Variants in PDIA6 observed in about 807,000 individuals in gnomAD.
PDIA6 encodes protein disulfide isomerase family A member 6, also known as protein disulfide-isomerase A6.
Under a neutral mutation model 58.4 loss-of-function variants are expected in PDIA6, and 29 were observed. The observed-to-expected ratio is 0.50, with a 90% CI of 0.37 to 0.68. The LOEUF (loss-of-function observed/expected upper bound fraction) is 0.68, where lower values mean the gene tolerates loss of function less well. Among genes scored for constraint, PDIA6 ranks in the 30% least tolerant of loss-of-function variants. The pLI, the probability that PDIA6 is intolerant of heterozygous loss-of-function variation, is 0.00. For missense variants in PDIA6, 480 were observed against 551.0 expected (o/e 0.87, Z 1.29); for synonymous variants, 192 against 202.6 (o/e 0.95, Z 0.44).
chr2:10,797,317 G>A (rs1666309505), intron 3 of PDIA6, 110 bp from the exon 4 acceptor site: 5 of 1,104,192 alleles, frequency 4.5e-6, no homozygotes, highest in Non-Finnish European at 6.4e-6. Flanking sequence ...AGCACAGGGT[G>A]CAGTTTGCAA....
chr2:10,810,267 C>T, intron 1 of PDIA6: 2 of 1,529,058 alleles, frequency 1.3e-6, no homozygotes, highest in Non-Finnish European at 1.8e-6. Context: ...TTAGATAGAC[C>T]CAAATTTCTA....
chr2:10,822,588 G>T (rs557847060), intron 1 of PDIA6, among the ~76,000 whole-genome samples: 4 of 152,214 alleles, frequency 2.6e-5, no homozygotes, highest in Non-Finnish European at 4.4e-5. Context: ...ATGTAGCACT[G>T]CAAACAGGGA....
intron 1 of PDIA6, among the ~76,000 whole-genome samples, chr2:10,825,779 A>G (rs1273566315): frequency 1.3e-5 from 2 of 152,254 alleles, no homozygotes; most frequent in Non-Finnish European, 2.9e-5. Context: ...ACAATGAGAA[A>G]TAACTTCATA....
chr2:10,815,211 C>G (rs1686501), upstream of PDIA6, among the ~76,000 whole-genome samples: 1 of 152,104 alleles, frequency 6.6e-6, no homozygotes, highest in Non-Finnish European at 1.5e-5. Context: ...CACAGGCTTC[C>G]GGAAATGCAC....
chr2:10,827,219 C>T (rs920596619), intron 1 of PDIA6, among the ~76,000 whole-genome samples: 4 of 152,144 alleles, frequency 2.6e-5, no homozygotes, highest in Admixed American at 6.5e-5. Context: ...TGCACCACCA[C>T]ACCTGGCTAA....
chr2:10,826,368 ATT>A (rs35611271), intron 1 of PDIA6, among the ~76,000 whole-genome samples: 13 of 150,236 alleles, frequency 8.7e-5, no homozygotes, highest in South Asian at 2.1e-4. Flanking sequence ...TGAATAATGG[ATT>A]TTTTTTTTTA....
chr2:10,797,216 A>G lies in PDIA6; in HGVS notation c.220-9T>C, dbSNP rs551556494. The G allele has an allele frequency of 6.2e-7, 1 of 1,603,476 alleles. No individual in the cohort carries two copies. The highest frequency in any genetic ancestry group is 1.3e-5 in the African/African-American group (1 of 74,318). ...CCAACTTTGACAACATCCTGTGGAA[A>G]TGTAAAAGAAATAACAATTTTTCCT... is the stretch of plus-strand genomic sequence containing the variant. On this transcript the variant is annotated splice_polypyrimidine_tract_variant and intron_variant, in intron 3 of 12. Coordinates refer to ENST00000272227, the MANE Select transcript of PDIA6 (RefSeq NM_005742.4).
chr2:10,807,502 C>T (rs1057199049), intron 1 of PDIA6, among the ~76,000 whole-genome samples: 4 of 152,182 alleles, frequency 2.6e-5, no homozygotes, highest in African/African-American at 9.7e-5. Context: ...AATGTACTTA[C>T]AATGTTAACG....
chr2:10,823,023 C>T (rs532911958), intron 1 of PDIA6: 4 of 152,308 alleles, frequency 2.6e-5, no homozygotes, highest in East Asian at 3.9e-4. Flanking sequence ...CCAGTGTCTT[C>T]GGGGTGGTTT....
chr2:10,800,574 ATTTTGAT>A (rs143721907), intron 2 of PDIA6, among the ~76,000 whole-genome samples: 72,694 of 148,894 alleles, frequency 0.49, 19,171 homozygotes, highest in South Asian at 0.58. Context: ...TGAAGGTTTG[ATTTTGAT>A]TTTTTTTTTT....
At chr2:10,791,246 A>C (rs747095280) in intron 6 of PDIA6, among the ~76,000 whole-genome samples, 1 of 151,836 alleles carries the variant, frequency 6.6e-6, no homozygotes, top group Non-Finnish European at 1.5e-5. Flanking sequence ...CACAATCAAG[A>C]GATTCTTGCA....
At chr2:10,835,016 C>T (rs951613631), upstream of PDIA6, among the ~76,000 whole-genome samples, 1 of 152,136 alleles carries the variant, frequency 6.6e-6, no homozygotes, top group African/African-American at 2.4e-5. Flanking sequence ...GATCCACCTG[C>T]CTCAGCCTCC....
chr2:10,814,892 G>T (rs1307387674), upstream of PDIA6, among the ~76,000 whole-genome samples: 1 of 152,206 alleles, frequency 6.6e-6, no homozygotes, highest in Non-Finnish European at 1.5e-5. Context: ...GGCCCACACT[G>T]CCAGTGCCCT....
At chr2:10,793,237 G>C in intron 4 of PDIA6, 35 bp from the exon 5 acceptor site, 1 of 1,486,722 alleles carries the variant, frequency 6.7e-7, no homozygotes, top group Non-Finnish European at 9.4e-7. Flanking sequence ...TCCTCAGCCC[G>C]GCCTTCAGCA....
At chr2:10,803,353 C>T (rs2148554224) in intron 1 of PDIA6, among the ~76,000 whole-genome samples, 1 of 152,310 alleles carries the variant, frequency 6.6e-6, no homozygotes, top group Middle Eastern at 3.4e-3. Flanking sequence ...GACAGGGTTT[C>T]TCCATGTTGG....
chr2:10,803,911 G>GGTT (rs1553339551), intron 1 of PDIA6, among the ~76,000 whole-genome samples: 1 of 117,892 alleles, frequency 8.5e-6, no homozygotes, highest in Non-Finnish European at 1.8e-5. Flanking sequence ...TAGTTTTTGT[G>GGTT]TTTTTTTTTT....
intron 2 of PDIA6, among the ~76,000 whole-genome samples, chr2:10,802,011 T>C (rs116563386): frequency 0.016 from 2,501 of 152,350 alleles, 86 homozygotes; most frequent in African/African-American, 0.058. Context: ...TTCTATTTGG[T>C]GTTTTTTTGC....
intron 2 of PDIA6, among the ~76,000 whole-genome samples, chr2:10,798,509 A>C (rs920739222): frequency 6.7e-6 from 1 of 148,760 alleles, no homozygotes; most frequent in Non-Finnish European, 1.5e-5. Context: ...CGGAGGTTGC[A>C]GTGAGCTGAG....
At chr2:10,801,644 A>C (rs1431481332) in intron 2 of PDIA6, among the ~76,000 whole-genome samples, 1 of 152,248 alleles carries the variant, frequency 6.6e-6, no homozygotes, top group East Asian at 1.9e-4. Context: ...ATGTGGCAAC[A>C]TCCACTTTGA....
Sources: allele counts gnomAD v4.1 joint callset (sites outside exome capture counted in the v4.1 genomes callset), GRCh38; gene constraint gnomAD v4.1.1; transcripts MANE v1.5; gene names NCBI Gene and HGNC (gene_info 2026-07-23, HGNC 2026-07-21).